The following GNAI3 variants were observed in gnomAD, a reference collection of about 807,000 sequenced individuals.
The protein encoded by GNAI3 is G protein subunit alpha i3.
Under a neutral mutation model 41.8 loss-of-function variants are expected in GNAI3, and 12 were observed. That is an observed-to-expected ratio of 0.29 (90% CI 0.18 to 0.47). The LOEUF is 0.47. Ranked by LOEUF, GNAI3 falls within the 20% of genes least tolerant of loss-of-function variation. GNAI3 has a pLI of 1.00. For synonymous variants in GNAI3, 132 were observed against 146.5 expected, an observed-to-expected ratio of 0.90 and a Z score of 0.71; for missense variants, 360 against 429.6, an observed-to-expected ratio of 0.84 and a Z score of 1.43.
At chr1:109,573,367 A>C (rs1490320884) in intron 1 of GNAI3, among the ~76,000 whole-genome samples, 2 of 152,204 alleles carry the variant, frequency 1.3e-5, no homozygotes, top group Non-Finnish European at 2.9e-5. Flanking sequence ...ATTAATAAAA[A>C]TGAATAGACC....
At chr1:109,551,948 G>A (rs1439570430) in intron 1 of GNAI3, among the ~76,000 whole-genome samples, 1 of 152,074 alleles carries the variant, frequency 6.6e-6, no homozygotes, top group Non-Finnish European at 1.5e-5. Context: ...GATCACCTGA[G>A]GTCAGGAGTT....
intron 1 of GNAI3, among the ~76,000 whole-genome samples, chr1:109,558,905 G>A (rs184604530): frequency 1.0e-3 from 153 of 152,180 alleles, no homozygotes; most frequent in African/African-American, 3.5e-3. Context: ...TCGGCCAGGC[G>A]CAGTATCTCA....
Position 109,595,651 on chromosome 1 carries a change from T to G in GNAI3, c.*3329T>G, listed in dbSNP as rs1024963071. 6.6e-6 allele frequency: 1 copy of G among 152,208 alleles called. No homozygotes were observed. The highest frequency in any genetic ancestry group is 2.4e-5 in the African/African-American group (1 of 41,460). 9.4% of individuals were successfully genotyped at this position (152,208 alleles called of 1,614,324 possible). ...TATAGCTGTGACATTCTTTGGACAT[T>G]ACTTGCCTGGCCTGATTAGTTACTT... On this transcript the variant is annotated 3_prime_UTR_variant, in exon 9 of 9. Coordinates refer to ENST00000369851, the MANE Select transcript of GNAI3 (RefSeq NM_006496.4).
intron 4 of GNAI3, 58 bp from the exon 5 acceptor site, chr1:109,582,379 C>G (rs1337922487): frequency 4.3e-6 from 6 of 1,411,320 alleles, no homozygotes; most frequent in Non-Finnish European, 6.0e-6. Context: ...TTAGTCTGTT[C>G]ATTTGCTATG....
rs1488100476 is a variant in GNAI3, at chr1:109,600,154, TTAAAG to T, written c.*7837_*7841del. 4 of 151,624 alleles carry T rather than the reference TTAAAG, an allele frequency of 2.6e-5. No individual in the cohort carries two copies. Among genetic ancestry groups the T allele is most frequent in the Non-Finnish European group, 5.9e-5 (4 of 67,922 alleles). The allele number at this position is 151,624 out of a possible 1,614,324, so 9.4% of individuals were successfully genotyped here. A position where few individuals can be genotyped will look rare whatever the true frequency, so the allele number is the denominator to read the frequency against. On this transcript the variant is annotated 3_prime_UTR_variant, in exon 9 of 9. Transcript: ENST00000369851. ...ACAAAAAAAAAAAAAACTTGATGGC[TTAAAG>T]TAAATAAAAATTCAACAGTACGGTG... is the stretch of plus-strand genomic sequence containing the variant.
rs1300787985 is a variant in GNAI3, at chr1:109,593,776, C to A, written c.*1454C>A. Reference sequence around the variant, plus strand: ...GTTACGTTCACTTCAACCTACAGACCCTTTTGTATAATGTACAGCAAATGT... The same window carrying A: ...GTTACGTTCACTTCAACCTACAGACACTTTTGTATAATGTACAGCAAATGT... On this transcript the variant is annotated 3_prime_UTR_variant, in exon 9 of 9. Transcript: ENST00000369851. The A allele has an allele frequency of 2.6e-5, 4 of 152,530 alleles. No homozygotes were observed. The highest frequency in any genetic ancestry group is 4.4e-5 in the Non-Finnish European group (3 of 68,032). 9.4% of individuals were successfully genotyped at this position (152,530 alleles called of 1,614,324 possible).
chr1:109,588,151 C>A (rs1390321519), intron 7 of GNAI3, among the ~76,000 whole-genome samples: 1 of 151,898 alleles, frequency 6.6e-6, no homozygotes, highest in Non-Finnish European at 1.5e-5. Flanking sequence ...GAGGCCGAGG[C>A]GGGTGAATCA....
chr1:109,579,125 G>T lies in GNAI3; in HGVS notation c.304-79G>T, dbSNP rs1048587187. 4 of 1,138,914 alleles carry T rather than the reference G, an allele frequency of 3.5e-6. No homozygotes were observed. The African/African-American group carries it at 6.2e-5, about 18-fold the overall frequency. 70.6% of individuals were successfully genotyped at this position (1,138,914 alleles called of 1,614,324 possible). On this transcript the variant is annotated intron_variant, in intron 3 of 8. Transcript: ENST00000369851. The stretch of plus-strand genomic sequence containing the variant: ...CCTCTTTTAACATAACATGTAATGT[G>T]TCTATATTTTAAAGAGACTGTCATC...
intron 7 of GNAI3, among the ~76,000 whole-genome samples, chr1:109,588,497 A>T (rs1649090849): frequency 6.6e-6 from 1 of 152,232 alleles, no homozygotes; most frequent in African/African-American, 2.4e-5. Flanking sequence ...TCAGGGGCAC[A>T]AATGTAACTG....
At chr1:109,567,322 A>C (rs1193130906) in intron 1 of GNAI3, among the ~76,000 whole-genome samples, 1 of 152,214 alleles carries the variant, frequency 6.6e-6, no homozygotes, top group Admixed American at 6.5e-5. Context: ...AGTATTTAAA[A>C]GGAAGAGGAG....
At chr1:109,562,579 C>G (rs1414584473) in intron 1 of GNAI3, among the ~76,000 whole-genome samples, 1 of 152,094 alleles carries the variant, frequency 6.6e-6, no homozygotes, top group Non-Finnish European at 1.5e-5. Context: ...GAAATCCATA[C>G]TGTTTTGGGT....
At chr1:109,568,688 C>A (rs192407844) in intron 1 of GNAI3, among the ~76,000 whole-genome samples, 2 of 151,946 alleles carry the variant, frequency 1.3e-5, no homozygotes, top group Admixed American at 1.3e-4. Context: ...AGATGATTTT[C>A]TTTTTCTTTT....
chr1:109,588,865 C>T (rs935569543), intron 7 of GNAI3, among the ~76,000 whole-genome samples: 2 of 152,062 alleles, frequency 1.3e-5, no homozygotes, highest in South Asian at 4.1e-4. Context: ...TGCACTCCAG[C>T]CTGGTGACAG....
At chr1:109,568,871 T>G (rs111699180) in intron 1 of GNAI3, among the ~76,000 whole-genome samples, 9 of 150,090 alleles carry the variant, frequency 6.0e-5, no homozygotes, top group Admixed American at 2.7e-4. Context: ...TGTTTTTTTT[T>G]GGTAGAGATG....
chr1:109,548,790 C>T lies in GNAI3; in HGVS notation c.70C>T (p.Arg24Trp). The T allele has an allele frequency of 6.2e-7, 1 of 1,612,808 alleles. No homozygotes were observed. The highest frequency in any genetic ancestry group is 1.7e-4 in the Middle Eastern group (1 of 6,054). ...ERSKMIDRNL[R>W]EDGEKAAKEV... ...AAGCAAGATGATCGACCGCAACTTA[C>T]GGGAGGACGGGGAAAAAGCGGCCAA... Residue 24 changes from arginine to tryptophan, a missense_variant, in exon 1 of 9, where the codon CGG becomes TGG. Coordinates refer to ENST00000369851, the MANE Select transcript of GNAI3 (RefSeq NM_006496.4).
chr1:109,584,106 A>G (rs1041157592), intron 5 of GNAI3, among the ~76,000 whole-genome samples: 2 of 152,216 alleles, frequency 1.3e-5, no homozygotes, highest in Non-Finnish European at 2.9e-5. Context: ...AGATGTAACT[A>G]CTACCTCAAA....
At chr1:109,588,016 C>T (rs1274417028) in intron 7 of GNAI3, among the ~76,000 whole-genome samples, 1 of 152,096 alleles carries the variant, frequency 6.6e-6, no homozygotes, top group Non-Finnish European at 1.5e-5. Context: ...TTCTTTCTTT[C>T]CTAACCAGCT....
intron 1 of GNAI3, among the ~76,000 whole-genome samples, chr1:109,552,052 C>T (rs1647994105): frequency 6.6e-6 from 1 of 151,950 alleles, no homozygotes; most frequent in Admixed American, 6.6e-5. Context: ...GTCCCAGCTA[C>T]TTGGGAGGCT....
intron 7 of GNAI3, 130 bp downstream of exon 7, chr1:109,587,012 C>T (rs1649048631): frequency 4.7e-6 from 3 of 636,046 alleles, no homozygotes; most frequent in African/African-American, 1.9e-5. Context: ...GTGGCATTGG[C>T]ATTAAGCCTG....
Sources: gnomAD v4.1 joint callset for allele counts (sites outside exome capture counted in the v4.1 genomes callset) on GRCh38, gnomAD v4.1.1 for gene constraint, MANE v1.5 for transcripts, NCBI Gene and HGNC (gene_info 2026-07-23, HGNC 2026-07-21) for gene names.